Variants in CCDC178 observed in about 807,000 individuals in gnomAD.
CCDC178 encodes coiled-coil domain containing 178, also known as coiled-coil domain-containing protein 178.
CCDC178 carries 126 observed loss-of-function variants against 117.4 expected under a neutral mutation model. That is an observed-to-expected ratio of 1.07 (90% CI 0.93 to 1.24). CCDC178 has a LOEUF of 1.24. Among genes scored for constraint, CCDC178 ranks in the 50% most tolerant of loss-of-function variants. The pLI is 0.00. For synonymous variants in CCDC178, 283 were observed against 313.4 expected, an observed-to-expected ratio of 0.90 and a Z score of 1.02; for missense variants, 1,030 against 986.9, an observed-to-expected ratio of 1.04 and a Z score of -0.59.
chr18:33,054,819 T>C (rs1429258301), intron 21 of CCDC178, among the ~76,000 whole-genome samples: 1 of 152,246 alleles, frequency 6.6e-6, no homozygotes, highest in Non-Finnish European at 1.5e-5. Flanking sequence ...ACGGTATTTC[T>C]ACCTGTAGGT....
chr18:33,309,805 TAA>T (rs1229042563), intron 11 of CCDC178, among the ~76,000 whole-genome samples: 1 of 152,090 alleles, frequency 6.6e-6, no homozygotes, highest in African/African-American at 2.4e-5. Context: ...AGGAAAGACG[TAA>T]AAGTGTTATA....
intron 20 of CCDC178, among the ~76,000 whole-genome samples, chr18:33,194,040 T>C (rs2058895736): frequency 6.6e-6 from 1 of 152,204 alleles, no homozygotes; most frequent in Non-Finnish European, 1.5e-5. Context: ...AGAGCACTCA[T>C]GGCCTGAACA....
chr18:33,322,943 G>T (rs559559196), intron 11 of CCDC178, among the ~76,000 whole-genome samples: 101 of 150,808 alleles, frequency 6.7e-4, no homozygotes, highest in Middle Eastern at 4.4e-3. Context: ...GAATCATAAA[G>T]AAGTTATAGT....
At chr18:33,236,131 T>G (rs1328507516) in intron 15 of CCDC178, among the ~76,000 whole-genome samples, 1 of 152,182 alleles carries the variant, frequency 6.6e-6, no homozygotes, top group Non-Finnish European at 1.5e-5. Flanking sequence ...AAAGCCTATT[T>G]CTTGGAGCTA....
intron 4 of CCDC178, among the ~76,000 whole-genome samples, chr18:33,394,943 G>GTATGTATGTA (rs1555697671): frequency 1.6e-5 from 1 of 61,498 alleles, no homozygotes; most frequent in Non-Finnish European, 3.0e-5. Context: ...ATATGTATGT[G>GTATGTATGTA]TATATATATA....
chr18:33,226,733 A>T, intron 16 of CCDC178, 60 bp downstream of exon 16: 4 of 1,240,702 alleles, frequency 3.2e-6, no homozygotes, highest in Non-Finnish European at 4.6e-6. Flanking sequence ...GCAAATTTAA[A>T]ATGCTAAGTA....
chr18:33,225,581 CA>C (rs1417786930), intron 16 of CCDC178, among the ~76,000 whole-genome samples: 9 of 152,148 alleles, frequency 5.9e-5, no homozygotes, highest in Non-Finnish European at 1.2e-4. Context: ...CAAAATCAAT[CA>C]TTCTTAAGTA....
intron 14 of CCDC178, among the ~76,000 whole-genome samples, chr18:33,246,274 A>C (rs1300672990): frequency 1.3e-5 from 2 of 151,730 alleles, no homozygotes; most frequent in Non-Finnish European, 2.9e-5. Context: ...TCACAGGGAG[A>C]GCTTTGAAAG....
At chr18:33,394,688 G>C (rs1019677160) in intron 4 of CCDC178, among the ~76,000 whole-genome samples, 2 of 150,960 alleles carry the variant, frequency 1.3e-5, no homozygotes, top group African/African-American at 4.9e-5. Flanking sequence ...GCATATCTTG[G>C]AATATATATT....
At chr18:32,958,357 A>G in intron 22 of CCDC178, 1 of 343,534 alleles carries the variant, frequency 2.9e-6, no homozygotes, top group Non-Finnish European at 5.4e-6. Flanking sequence ...TACTTCTGGG[A>G]AAAGATAATT....
chr18:33,015,481 C>T (rs1260254663), intron 21 of CCDC178, among the ~76,000 whole-genome samples: 1 of 151,930 alleles, frequency 6.6e-6, no homozygotes, highest in Non-Finnish European at 1.5e-5. Context: ...AGGAGAATGG[C>T]GTGAACCTGG....
intron 12 of CCDC178, among the ~76,000 whole-genome samples, chr18:33,289,197 T>C (rs562734766): frequency 6.6e-6 from 1 of 152,314 alleles, no homozygotes; most frequent in Non-Finnish European, 1.5e-5. Flanking sequence ...GAATTTAGGT[T>C]AATATTCTCC....
intron 6 of CCDC178, among the ~76,000 whole-genome samples, chr18:33,365,854 A>G (rs1280358415): frequency 1.3e-5 from 2 of 152,076 alleles, no homozygotes; most frequent in African/African-American, 4.8e-5. Context: ...AGAGTCTTTT[A>G]TTTGTATGAG....
chr18:33,391,359 T>C (rs2063563166), intron 4 of CCDC178, among the ~76,000 whole-genome samples: 3 of 151,654 alleles, frequency 2.0e-5, no homozygotes, highest in Admixed American at 6.6e-5. Context: ...AGAGAAAAAA[T>C]ATAGGGGAAA....
At chr18:33,225,455 C>T (rs1056671084) in intron 16 of CCDC178, among the ~76,000 whole-genome samples, 4 of 152,140 alleles carry the variant, frequency 2.6e-5, no homozygotes, top group Admixed American at 2.6e-4. Context: ...CCACCACACA[C>T]TGCCGAATGT....
intron 21 of CCDC178, among the ~76,000 whole-genome samples, chr18:33,082,095 T>C (rs2057306460): frequency 6.6e-6 from 1 of 152,194 alleles, no homozygotes; most frequent in Non-Finnish European, 1.5e-5. Flanking sequence ...TGTGAATTAG[T>C]GTCTAGTGAA....
chr18:33,242,616 C>CAA lies in CCDC178; in HGVS notation c.1593+2627_1593+2628dup, dbSNP rs71159806. Among the ~76,000 whole-genome samples the CAA allele has an allele frequency of 2.9e-3, 444 of 150,566 alleles. 3 individuals carry two copies. The highest frequency in any genetic ancestry group is 0.01 in the Middle Eastern group (3 of 294). ...GCAAATGATCTAAACAGATATTTTT[C>CAA]AAAAAAAAATCATACAAATTGCTAA... On this transcript the variant is annotated intron_variant, in intron 15 of 22. Transcript: ENST00000383096.
chr18:33,155,381 T>C (rs953334930), intron 20 of CCDC178, among the ~76,000 whole-genome samples: 1 of 152,164 alleles, frequency 6.6e-6, no homozygotes, highest in African/African-American at 2.4e-5. Context: ...TAATACCTTA[T>C]AACATATTTG....
intron 21 of CCDC178, among the ~76,000 whole-genome samples, chr18:33,091,728 A>C (rs912022059): frequency 2.0e-5 from 3 of 152,180 alleles, no homozygotes; most frequent in Non-Finnish European, 4.4e-5. Context: ...CAAATAGGGA[A>C]GTACATAGGG....
Sources: allele counts gnomAD v4.1 joint callset (sites outside exome capture counted in the v4.1 genomes callset), GRCh38; gene constraint gnomAD v4.1.1; transcripts MANE v1.5; gene names NCBI Gene and HGNC (gene_info 2026-07-23, HGNC 2026-07-21).